NFIA: variants seen among roughly 807,000 people sequenced by gnomAD.
NFIA encodes nuclear factor I A.
Under a neutral mutation model 62.8 loss-of-function variants are expected in NFIA, and 8 were observed. The ratio of observed to expected loss-of-function variants is 0.13; its 90% CI spans 0.07 to 0.23. NFIA has a LOEUF of 0.23. Among genes scored for constraint, NFIA ranks in the 10% least tolerant of loss-of-function variants. NFIA has a pLI of 1.00. For missense variants in NFIA, 410 were observed against 642.1 expected, an observed-to-expected ratio of 0.64 and a Z score of 3.91; for synonymous variants, 235 against 238.1, an observed-to-expected ratio of 0.99 and a Z score of 0.12.
At chr1:61,207,939 G>GTT (rs1373255009) in intron 2 of NFIA, among the ~76,000 whole-genome samples, 2 of 147,534 alleles carry the variant, frequency 1.4e-5, no homozygotes, top group African/African-American at 5.0e-5. Context: ...GTCTCACCCA[G>GTT]TTGGATAGTG....
intron 2 of NFIA, among the ~76,000 whole-genome samples, chr1:61,235,847 C>T (rs1654982543): frequency 6.6e-6 from 1 of 150,990 alleles, no homozygotes; most frequent in Admixed American, 6.6e-5. Flanking sequence ...AAGAAAGAGA[C>T]AAAAGGTTTT....
Position 61,406,548 on chromosome 1 carries a change from C to CT in NFIA, c.1255-14_1255-13insT, listed in dbSNP as rs774441568. 2.8e-5 allele frequency: 26 copies of CT among 933,596 alleles called. 2 individuals carry two copies. In the Admixed American group the frequency reaches 2.9e-4, roughly 10 times the overall value. The allele number at this position is 933,596 out of a possible 1,614,324, so 57.8% of individuals were successfully genotyped here. A position where few individuals can be genotyped will look rare whatever the true frequency, so the allele number is the denominator to read the frequency against. ...TTCTTGTACGTGTGTTTTCTGCCCC[C>CT]CCCCCCCCCACAGCCCAATGGGAGC... On this transcript the variant is annotated splice_polypyrimidine_tract_variant and intron_variant, in intron 8 of 10. Coordinates refer to ENST00000403491, the MANE Select transcript of NFIA (RefSeq NM_001134673.4).
chr1:61,219,378 T>A (rs1258895376), intron 2 of NFIA, among the ~76,000 whole-genome samples: 1 of 152,120 alleles, frequency 6.6e-6, no homozygotes. Context: ...CTAGTTAGGC[T>A]TAAAACTATC....
At chr1:61,292,109 C>G (rs1658923002) in intron 3 of NFIA, among the ~76,000 whole-genome samples, 1 of 152,074 alleles carries the variant, frequency 6.6e-6, no homozygotes, top group South Asian at 2.1e-4. Context: ...ACATTGGTAC[C>G]AAGTGAGGGA....
chr1:61,323,375 A>G (rs910158712), intron 3 of NFIA, among the ~76,000 whole-genome samples: 7 of 152,210 alleles, frequency 4.6e-5, no homozygotes, highest in Non-Finnish European at 1.0e-4. Flanking sequence ...GTCCAACACC[A>G]TATGTCAACC....
At chr1:61,181,718 C>A (rs1024210618) in intron 2 of NFIA, among the ~76,000 whole-genome samples, 1 of 152,066 alleles carries the variant, frequency 6.6e-6, no homozygotes, top group African/African-American at 2.4e-5. Flanking sequence ...ATTAAAAAAA[C>A]CACCTCATAA....
intron 1 of NFIA, among the ~76,000 whole-genome samples, chr1:61,084,217 A>G (rs1006880200): frequency 1.3e-5 from 2 of 152,178 alleles, no homozygotes; most frequent in Admixed American, 6.5e-5. Context: ...GGAAGGCTAA[A>G]AAGTATCAGT....
intron 10 of NFIA, among the ~76,000 whole-genome samples, chr1:61,436,983 C>T (rs1569874995): frequency 1.3e-5 from 2 of 152,282 alleles, no homozygotes; most frequent in East Asian, 3.9e-4. Context: ...GCTGTTCTGG[C>T]CCTGTGTTTC....
At chr1:61,415,050 T>C (rs1415228735) in intron 9 of NFIA, among the ~76,000 whole-genome samples, 1 of 152,204 alleles carries the variant, frequency 6.6e-6, no homozygotes, top group Non-Finnish European at 1.5e-5. Context: ...CTACCAGTGC[T>C]GCTGCTATCC....
upstream of NFIA, among the ~76,000 whole-genome samples, chr1:61,080,323 A>T (rs537765487): frequency 2.2e-4 from 33 of 149,018 alleles, no homozygotes; most frequent in South Asian, 4.2e-4. Context: ...AGTCCTTTTT[A>T]AAAAAAATCT....
intron 3 of NFIA, among the ~76,000 whole-genome samples, chr1:61,280,288 T>C (rs1658053523): frequency 1.3e-5 from 2 of 152,228 alleles, no homozygotes; most frequent in African/African-American, 4.8e-5. Context: ...CCTCAGGATA[T>C]GAAGATGAAG....
At chr1:61,381,865 CAG>C (rs144406806) in intron 6 of NFIA, among the ~76,000 whole-genome samples, 236 of 152,280 alleles carry the variant, frequency 1.5e-3, no homozygotes, top group African/African-American at 5.2e-3. Context: ...TCAGAAATAA[CAG>C]GGACATATTT....
intron 3 of NFIA, among the ~76,000 whole-genome samples, chr1:61,304,318 T>C (rs1659644174): frequency 6.6e-6 from 1 of 152,146 alleles, no homozygotes; most frequent in Non-Finnish European, 1.5e-5. Flanking sequence ...GTGACATCAT[T>C]GAGCTATGCT....
Position 61,434,083 on chromosome 1 carries a change from A to G in NFIA, c.1512+7527A>G, listed in dbSNP as rs1188016956. ...GGGCACAGCTATTCTTCCCTTGTAC[A>G]GGCAGCAGTCTAAGTGTACCATTGC... is the stretch of plus-strand genomic sequence containing the variant. On this transcript the variant is annotated intron_variant, in intron 10 of 10. Coordinates refer to ENST00000403491, the MANE Select transcript of NFIA (RefSeq NM_001134673.4). Among the ~76,000 whole-genome samples the G allele has an allele frequency of 2.0e-5, 3 of 152,214 alleles. No individual in the cohort carries two copies. The East Asian group carries it at 5.8e-4, about 29-fold the overall frequency.
chr1:61,151,125 A>G (rs763989389), intron 2 of NFIA, among the ~76,000 whole-genome samples: 9 of 152,202 alleles, frequency 5.9e-5, no homozygotes, highest in African/African-American at 1.9e-4. Context: ...GCTTAAGGGA[A>G]TCTTGCCTCC....
At chr1:61,376,323 T>C (rs755063889) in intron 6 of NFIA, among the ~76,000 whole-genome samples, 1 of 152,182 alleles carries the variant, frequency 6.6e-6, no homozygotes, top group Non-Finnish European at 1.5e-5. Flanking sequence ...TTTCTTGTTA[T>C]AGATAGATAA....
At chr1:61,439,258 T>G (rs904418197) in intron 10 of NFIA, among the ~76,000 whole-genome samples, 16 of 152,170 alleles carry the variant, frequency 1.1e-4, no homozygotes, top group African/African-American at 3.6e-4. Context: ...TCTGCCAGAG[T>G]GGCTGGTACA....
chr1:61,107,884 T>C (rs1453720948), intron 2 of NFIA, among the ~76,000 whole-genome samples: 1 of 151,680 alleles, frequency 6.6e-6, no homozygotes, highest in Admixed American at 6.6e-5. Context: ...ATGGACAGTT[T>C]TCACTTTATC....
intron 2 of NFIA, among the ~76,000 whole-genome samples, chr1:61,261,075 T>C (rs1656744903): frequency 6.6e-6 from 1 of 152,232 alleles, no homozygotes; most frequent in Non-Finnish European, 1.5e-5. Context: ...TCAAATAATT[T>C]AGGAATTTTA....
Sources: allele counts gnomAD v4.1 joint callset (sites outside exome capture counted in the v4.1 genomes callset), GRCh38; gene constraint gnomAD v4.1.1; transcripts MANE v1.5; gene names NCBI Gene and HGNC (gene_info 2026-07-23, HGNC 2026-07-21).